Variants in IQCJ observed in about 807,000 individuals in gnomAD.
IQCJ encodes the protein IQ motif containing J, also known as IQ domain-containing protein J.
A neutral mutation model predicts 11.0 loss-of-function variants in IQCJ; 9 were observed. The observed-to-expected ratio is 0.82, with a 90% CI of 0.49 to 1.43. The LOEUF (loss-of-function observed/expected upper bound fraction) is 1.43. IQCJ is among the 40% of genes most tolerant of loss of function. IQCJ has a pLI of 0.00. For missense variants in IQCJ, 146 were observed against 133.2 expected, an observed-to-expected ratio of 1.10 and a Z score of -0.47; for synonymous variants, 55 against 51.3, an observed-to-expected ratio of 1.07 and a Z score of -0.31.
At chr3:159,134,356 G>A (rs1035937745) in intron 1 of IQCJ, among the ~76,000 whole-genome samples, 1 of 152,158 alleles carries the variant, frequency 6.6e-6, no homozygotes, top group African/African-American at 2.4e-5. Context: ...TTCAAGAATA[G>A]ATGGTTACAC....
intron 1 of IQCJ, among the ~76,000 whole-genome samples, chr3:159,165,291 C>T (rs898960871): frequency 2.0e-5 from 3 of 152,162 alleles, no homozygotes; most frequent in Admixed American, 6.5e-5. Flanking sequence ...GATGATAGCA[C>T]ATATCACAAG....
chr3:159,235,738 A>AAG, intron 1 of IQCJ, among the ~76,000 whole-genome samples: 1 of 152,292 alleles, frequency 6.6e-6, no homozygotes, highest in African/African-American at 2.4e-5. Flanking sequence ...TTCGACTTAG[A>AAG]TCGGGTGTTT....
intron 1 of IQCJ, among the ~76,000 whole-genome samples, chr3:159,085,859 T>C (rs1716718485): frequency 6.6e-6 from 1 of 151,104 alleles, no homozygotes. Flanking sequence ...TTCTCCCATT[T>C]TATAGGTTGC....
At chr3:159,222,592 G>A (rs1725614604) in intron 1 of IQCJ, among the ~76,000 whole-genome samples, 2 of 152,152 alleles carry the variant, frequency 1.3e-5, no homozygotes, top group South Asian at 4.1e-4. Context: ...TTGCAGTTAT[G>A]TAGGATAAAT....
At chr3:159,249,627 T>C (rs60567099) in intron 2 of IQCJ, among the ~76,000 whole-genome samples, 2,491 of 152,262 alleles carry the variant, frequency 0.016, 68 homozygotes, top group African/African-American at 0.057. Context: ...TCAAATTTGA[T>C]TGAAAAATTG....
chr3:159,196,824 C>A (rs902681039), intron 1 of IQCJ, among the ~76,000 whole-genome samples: 1 of 152,132 alleles, frequency 6.6e-6, no homozygotes, highest in East Asian at 1.9e-4. Context: ...AGCTAGGATT[C>A]GAACCTAGGC....
intron 1 of IQCJ, among the ~76,000 whole-genome samples, chr3:159,191,667 C>G (rs1723697821): frequency 6.6e-6 from 1 of 152,164 alleles, no homozygotes; most frequent in Non-Finnish European, 1.5e-5. Context: ...TTTATCTCTG[C>G]TTTTATCTGA....
At chr3:159,093,708 G>A (rs755171351) in intron 1 of IQCJ, among the ~76,000 whole-genome samples, 10 of 151,798 alleles carry the variant, frequency 6.6e-5, no homozygotes, top group South Asian at 2.1e-4. Context: ...GCATGGCTGC[G>A]GAGGCCTCAG....
intron 1 of IQCJ, among the ~76,000 whole-genome samples, chr3:159,181,653 T>G (rs1310177657): frequency 6.6e-6 from 1 of 151,616 alleles, no homozygotes; most frequent in Non-Finnish European, 1.5e-5. Flanking sequence ...CCTATCACAG[T>G]GAATTGCTTC....
intron 1 of IQCJ, among the ~76,000 whole-genome samples, chr3:159,084,921 T>TTTTA (rs1553774108): frequency 1.3e-5 from 2 of 151,366 alleles, no homozygotes; most frequent in East Asian, 1.9e-4. Flanking sequence ...TTCTTTTTTT[T>TTTTA]TTATTATTAT....
At chr3:159,091,616 C>G (rs988007437) in intron 1 of IQCJ, among the ~76,000 whole-genome samples, 10 of 146,642 alleles carry the variant, frequency 6.8e-5, no homozygotes, top group African/African-American at 2.5e-4. Flanking sequence ...TGTCAGAAAT[C>G]AAGACAGTTA....
At chr3:159,156,674 G>A (rs1721538010) in intron 1 of IQCJ, among the ~76,000 whole-genome samples, 1 of 152,144 alleles carries the variant, frequency 6.6e-6, no homozygotes, top group East Asian at 1.9e-4. Context: ...TCATATCTTG[G>A]GGAAGGAGTG....
intron 1 of IQCJ, among the ~76,000 whole-genome samples, chr3:159,101,322 C>T (rs974447896): frequency 9.9e-5 from 15 of 151,772 alleles, no homozygotes; most frequent in Non-Finnish European, 1.5e-4. Flanking sequence ...CAGAAATCAC[C>T]GTCTTCTGCG....
intron 1 of IQCJ, among the ~76,000 whole-genome samples, chr3:159,238,307 A>G (rs921401650): frequency 3.3e-5 from 5 of 152,192 alleles, no homozygotes; most frequent in African/African-American, 1.2e-4. Flanking sequence ...CCCCAGGGCC[A>G]TAGAATAAAG....
At chr3:159,128,774 C>T (rs994981141) in intron 1 of IQCJ, among the ~76,000 whole-genome samples, 2 of 152,162 alleles carry the variant, frequency 1.3e-5, no homozygotes, top group African/African-American at 2.4e-5. Flanking sequence ...TCCTACCGTG[C>T]TTTGAGAACA....
chr3:159,260,054 A>G (rs1326257771), intron 3 of IQCJ, among the ~76,000 whole-genome samples: 1 of 152,196 alleles, frequency 6.6e-6, no homozygotes, highest in Non-Finnish European at 1.5e-5. Context: ...CTTATAAATT[A>G]GAAAAGAAAA....
intron 1 of IQCJ, among the ~76,000 whole-genome samples, chr3:159,228,265 G>A (rs968342015): frequency 1.9e-4 from 29 of 152,174 alleles, no homozygotes; most frequent in Non-Finnish European, 4.0e-4. Flanking sequence ...TCTTTGGGAT[G>A]TAGGCTTTCT....
chr3:159,126,075 T>C (rs941331126), intron 1 of IQCJ, among the ~76,000 whole-genome samples: 1 of 152,248 alleles, frequency 6.6e-6, no homozygotes, highest in Non-Finnish European at 1.5e-5. Context: ...TCTGTTGAAA[T>C]TCCATGTATA....
intron 1 of IQCJ, among the ~76,000 whole-genome samples, chr3:159,091,480 C>A (rs901835222): frequency 6.6e-6 from 1 of 151,554 alleles, no homozygotes; most frequent in South Asian, 2.1e-4. Context: ...CATAAGGGCT[C>A]CACCTTCATG....
Sources: gnomAD v4.1 joint callset for allele counts (sites outside exome capture counted in the v4.1 genomes callset) on GRCh38, gnomAD v4.1.1 for gene constraint, MANE v1.5 for transcripts, NCBI Gene and HGNC (gene_info 2026-07-23, HGNC 2026-07-21) for gene names.